Variants in RBFOX1 observed in about 807,000 individuals in gnomAD.
The protein encoded by RBFOX1 is RNA binding fox-1 homolog 1.
A neutral mutation model predicts 57.7 loss-of-function variants in RBFOX1; 8 were observed. The ratio of observed to expected loss-of-function variants is 0.14; its 90% CI spans 0.08 to 0.25. The LOEUF is 0.25. Ranked by LOEUF, RBFOX1 falls within the 10% of genes least tolerant of loss-of-function variation. The pLI is 1.00. For missense variants in RBFOX1, 611 were observed against 548.5 expected (o/e 1.11, Z -1.14); for synonymous variants, 326 against 222.4 (o/e 1.47, Z -4.15).
intron 3 of RBFOX1, among the ~76,000 whole-genome samples, chr16:5,712,133 ACTCT>A (rs1480814100): frequency 1.3e-5 from 2 of 152,026 alleles, no homozygotes; most frequent in Non-Finnish European, 2.9e-5. Flanking sequence ...GTGAGAGCTC[ACTCT>A]CTATCATGAG....
At chr16:5,336,676 C>G (rs1484314183) in intron 1 of RBFOX1, among the ~76,000 whole-genome samples, 1 of 152,150 alleles carries the variant, frequency 6.6e-6, no homozygotes, top group Non-Finnish European at 1.5e-5. Flanking sequence ...ATTCATGAAG[C>G]TGAAAGAAGA....
chr16:5,639,115 T>A (rs1483307935), intron 3 of RBFOX1, among the ~76,000 whole-genome samples: 1 of 152,238 alleles, frequency 6.6e-6, no homozygotes, highest in African/African-American at 2.4e-5. Flanking sequence ...CTCTAGAGAC[T>A]AGGTTCTTTT....
chr16:6,471,328 C>G (rs1030473937), intron 2 of RBFOX1, among the ~76,000 whole-genome samples: 2 of 152,204 alleles, frequency 1.3e-5, no homozygotes, highest in Admixed American at 6.5e-5. Flanking sequence ...GAGGCATCCT[C>G]TACCAAGTAG....
intron 5 of RBFOX1, among the ~76,000 whole-genome samples, chr16:7,573,433 G>C (rs1022123353): frequency 6.6e-6 from 1 of 152,048 alleles, no homozygotes; most frequent in South Asian, 2.1e-4. Context: ...TTTACTGACT[G>C]CCCTCAATTT....
chr16:5,454,886 CTTT>C lies in RBFOX1; in HGVS notation c.220-12329_220-12327del, dbSNP rs1245110494. Among the ~76,000 whole-genome samples the C allele has an allele frequency of 6.8e-4, 62 of 91,532 alleles. No individual in the cohort carries two copies. In the South Asian group the frequency reaches 7.3e-3, roughly 11 times the overall value. 60.0% of individuals were successfully genotyped at this position (91,532 alleles called of 152,430 possible). On this transcript the variant is annotated intron_variant, in intron 1 of 2. Transcript: ENST00000585867. ...TCTTTCTTTCTTTCTTTCTTTCTTT[CTTT>C]CTTTCTTTCTTTCTTTCTTTCTTTC...
intron 3 of RBFOX1, among the ~76,000 whole-genome samples, chr16:6,845,363 G>T: frequency 6.7e-6 from 1 of 150,154 alleles, no homozygotes; most frequent in African/African-American, 2.4e-5. Flanking sequence ...TGTGTATTGT[G>T]TAAGGAAGAG....
chr16:7,408,386 A>G (rs951676660), intron 4 of RBFOX1, among the ~76,000 whole-genome samples: 2 of 152,230 alleles, frequency 1.3e-5, no homozygotes, highest in Non-Finnish European at 2.9e-5. Context: ...GTGTCTGAGC[A>G]CAGTAAACCA....
At chr16:7,404,530 A>G (rs891135176) in intron 4 of RBFOX1, among the ~76,000 whole-genome samples, 1 of 152,180 alleles carries the variant, frequency 6.6e-6, no homozygotes, top group African/African-American at 2.4e-5. Context: ...GATAGGTGCT[A>G]TTATCATTTC....
intron 3 of RBFOX1, among the ~76,000 whole-genome samples, chr16:5,842,519 T>G (rs1160958615): frequency 6.6e-6 from 1 of 152,216 alleles, no homozygotes; most frequent in African/African-American, 2.4e-5. Context: ...AAGTGCATGC[T>G]GCAGGTGTTC....
At chr16:7,621,190 G>T (rs535392915) in intron 10 of RBFOX1, among the ~76,000 whole-genome samples, 10 of 152,176 alleles carry the variant, frequency 6.6e-5, no homozygotes, top group Admixed American at 3.3e-4. Flanking sequence ...TTGCAAGATA[G>T]AACTTATTTT....
intron 3 of RBFOX1, among the ~76,000 whole-genome samples, chr16:7,021,832 A>T (rs936525168): frequency 6.6e-6 from 1 of 151,232 alleles, no homozygotes. Flanking sequence ...TAATTCTTGA[A>T]GGTAGTTGGT....
intron 2 of RBFOX1, among the ~76,000 whole-genome samples, chr16:6,395,630 T>C (rs1247384580): frequency 1.3e-5 from 2 of 152,190 alleles, no homozygotes; most frequent in African/African-American, 4.8e-5. Flanking sequence ...TTTGGATTAT[T>C]GCATCTTGGG....
rs180887271 is a variant in RBFOX1, at chr16:6,956,405, G to A, written c.-15-95652G>A. Among the ~76,000 whole-genome samples the A allele has an allele frequency of 9.2e-5, 14 of 152,314 alleles. No individual in the cohort carries two copies. In the East Asian group the frequency reaches 1.7e-3, roughly 19 times the overall value. ...GACTCAAGGGGAATGAGCAGGCTCC[G>A]CTGTCTTCCAGTGAATACTTGAATT... is the stretch of plus-strand genomic sequence containing the variant. On this transcript the variant is annotated intron_variant, in intron 3 of 15. Transcript: ENST00000550418.
intron 1 of RBFOX1, among the ~76,000 whole-genome samples, chr16:5,280,178 A>G (rs1427170072): frequency 1.3e-5 from 2 of 152,230 alleles, no homozygotes; most frequent in Non-Finnish European, 2.9e-5. Context: ...ATTTTTCTGC[A>G]TCTGCTGAGA....
At chr16:6,969,778 C>G (rs950594542) in intron 3 of RBFOX1, among the ~76,000 whole-genome samples, 38 of 152,032 alleles carry the variant, frequency 2.5e-4, no homozygotes, top group African/African-American at 8.9e-4. Flanking sequence ...ATCTTAATTG[C>G]TGAGCTCTCT....
At chr16:6,693,836 C>G (rs2060627703) in intron 3 of RBFOX1, among the ~76,000 whole-genome samples, 1 of 152,336 alleles carries the variant, frequency 6.6e-6, no homozygotes, top group Admixed American at 6.5e-5. Flanking sequence ...ACCATCACCA[C>G]CATCATCCTT....
chr16:7,679,591 G>T (rs375846230), intron 14 of RBFOX1, among the ~76,000 whole-genome samples: 7 of 152,254 alleles, frequency 4.6e-5, no homozygotes, highest in Non-Finnish European at 8.8e-5. Flanking sequence ...GATGTCCCCA[G>T]TTGGTAGGAT....
chr16:6,963,174 C>T (rs951272367), intron 3 of RBFOX1, among the ~76,000 whole-genome samples: 4 of 152,062 alleles, frequency 2.6e-5, no homozygotes, highest in Non-Finnish European at 5.9e-5. Context: ...AAGCCTAGCA[C>T]TGCTATTTTT....
intron 3 of RBFOX1, among the ~76,000 whole-genome samples, chr16:6,938,858 A>C (rs1356787787): frequency 1.3e-5 from 2 of 152,110 alleles, no homozygotes; most frequent in Non-Finnish European, 2.9e-5. Flanking sequence ...CTTGAACCTG[A>C]GAGGCAGAGG....
Sources: allele counts gnomAD v4.1 joint callset (sites outside exome capture counted in the v4.1 genomes callset), GRCh38; gene constraint gnomAD v4.1.1; transcripts MANE v1.5; gene names NCBI Gene and HGNC (gene_info 2026-07-23, HGNC 2026-07-21).